The following PNPLA1 variants were observed in gnomAD, a reference collection of about 807,000 sequenced individuals.
PNPLA1 encodes omega-hydroxyceramide transacylase.
Under a neutral mutation model 51.7 loss-of-function variants are expected in PNPLA1, and 36 were observed. The observed-to-expected ratio is 0.70, with a 90% CI of 0.53 to 0.92. The LOEUF (loss-of-function observed/expected upper bound fraction) is 0.92. PNPLA1 is among the 40% of genes least tolerant of loss of function. The pLI, the probability that PNPLA1 is intolerant of heterozygous loss-of-function variation, is 0.00. For synonymous variants in PNPLA1, 293 were observed against 280.1 expected (o/e 1.05, Z -0.46); for missense variants, 658 against 682.5 (o/e 0.96, Z 0.40).
At chr6:36,273,728 C>CAAAAAAAAAAAAAAAAA (rs57186870) in intron 1 of PNPLA1, among the ~76,000 whole-genome samples, 7 of 48,222 alleles carry the variant, frequency 1.5e-4, no homozygotes, top group African/African-American at 4.8e-4. Flanking sequence ...GACCCCATCG[C>CAAAAAAAAAAAAAAAAA]AAAAAAAAAA....
At chr6:36,260,112 G>A (rs1029295210) in intron 1 of PNPLA1, among the ~76,000 whole-genome samples, 3 of 152,210 alleles carry the variant, frequency 2.0e-5, no homozygotes, top group African/African-American at 7.2e-5. Context: ...GGGCAACACA[G>A]TGAGACCCCA....
Position 36,301,843 on chromosome 6 carries a change from T to C in PNPLA1, c.776-18T>C, listed in dbSNP as rs1346299950. 1 of 1,605,726 alleles carries C rather than the reference T, an allele frequency of 6.2e-7. No individual in the cohort carries two copies. The highest frequency in any genetic ancestry group is 1.1e-5 in the South Asian group (1 of 89,898). On this transcript the variant is annotated intron_variant, in intron 5 of 8. Coordinates refer to ENST00000636260, the MANE Select transcript of PNPLA1 (RefSeq NM_001374623.1). ...GCTGCCAGGGCTGAGTAACACCCCATGCTATTGTTTATCCTAGATGCTGTT... is the reference window on the plus strand; with the variant it reads ...GCTGCCAGGGCTGAGTAACACCCCACGCTATTGTTTATCCTAGATGCTGTT...
In PNPLA1 at chr6:36,306,349, A is replaced by G. The variant is rs1469951149; in HGVS notation, c.1442A>G (p.Lys481Arg). 3.7e-6 allele frequency: 6 copies of G among 1,613,184 alleles called. No homozygotes were observed. In the South Asian group the frequency reaches 6.6e-5, roughly 18 times the overall value. ...AGCGCCGTGCCTCTGGTTCATGTGAAGGAAACCGTCAGCAAGCCTTATGTA... is the reference window on the plus strand; with the variant it reads ...AGCGCCGTGCCTCTGGTTCATGTGAGGGAAACCGTCAGCAAGCCTTATGTA... ...PKSAVPLVHV[K>R]ETVSKPYVTE... The change falls in exon 7 of 9, where the codon AAG (lysine) becomes AGG (arginine). Residue 481 changes from lysine (K) to arginine (R), a missense_variant. Coordinates refer to ENST00000636260, the MANE Select transcript of PNPLA1 (RefSeq NM_001374623.1).
intron 1 of PNPLA1, among the ~76,000 whole-genome samples, chr6:36,283,304 A>G: frequency 6.6e-6 from 1 of 152,236 alleles, no homozygotes; most frequent in South Asian, 2.1e-4. Context: ...GACAGTATTA[A>G]AATAGCATTG....
intron 5 of PNPLA1, among the ~76,000 whole-genome samples, chr6:36,297,888 A>C (rs72848556): frequency 5.2e-4 from 79 of 150,524 alleles, no homozygotes; most frequent in Admixed American, 4.6e-4. Flanking sequence ...ACACACACAC[A>C]CCCTGTGAAA....
chr6:36,307,855 C>A, intron 8 of PNPLA1, 143 bp downstream of exon 8: 1 of 1,068,292 alleles, frequency 9.4e-7, no homozygotes, highest in Non-Finnish European at 1.3e-6. Context: ...ACACATCCGA[C>A]ATAAAATTCC....
At chr6:36,295,155 T>TTTTTCTATGTAGC (rs1770818113) in intron 4 of PNPLA1, among the ~76,000 whole-genome samples, 1 of 152,224 alleles carries the variant, frequency 6.6e-6, no homozygotes, top group Non-Finnish European at 1.5e-5. Context: ...GTGTAACTCA[T>TTTTTCTATGTAGC]GAACGGAGCA....
intron 1 of PNPLA1, among the ~76,000 whole-genome samples, chr6:36,257,979 T>C (rs540013839): frequency 6.6e-6 from 1 of 152,210 alleles, no homozygotes; most frequent in African/African-American, 2.4e-5. Flanking sequence ...GAATAGGAGC[T>C]GAAATCTTTA....
Position 36,261,699 on chromosome 6 carries a change from A to G in PNPLA1, c.-81+18438A>G, listed in dbSNP as rs75428159. 8.7e-4 allele frequency among the ~76,000 whole-genome samples: 133 copies of G among 152,328 alleles called. 3 individuals carry two copies. The East Asian group carries it at 0.025, about 29-fold the overall frequency. Reference sequence around the variant, plus strand: ...AAGCACTTGCCATGTGCCAGGAGAAAACCCTAGGAGGCAAGTTTGATTATT... The same window carrying G: ...AAGCACTTGCCATGTGCCAGGAGAAGACCCTAGGAGGCAAGTTTGATTATT... On this transcript the variant is annotated intron_variant, in intron 1 of 7. Transcript: ENST00000312917.
intron 1 of PNPLA1, among the ~76,000 whole-genome samples, chr6:36,255,204 TA>T (rs59540425): frequency 2.0e-5 from 3 of 150,440 alleles, no homozygotes; most frequent in Non-Finnish European, 3.0e-5. Context: ...CCTTCTCTAC[TA>T]AAAAAAAATA....
intron 5 of PNPLA1, among the ~76,000 whole-genome samples, 179 bp downstream of exon 5, chr6:36,295,603 C>T (rs1187081097): frequency 6.6e-6 from 1 of 152,178 alleles, no homozygotes; most frequent in Non-Finnish European, 1.5e-5. Flanking sequence ...GCCCAGACCG[C>T]TGGGTCCAGA....
At chr6:36,261,557 T>C (rs1453563732) in intron 1 of PNPLA1, among the ~76,000 whole-genome samples, 1 of 152,244 alleles carries the variant, frequency 6.6e-6, no homozygotes, top group Non-Finnish European at 1.5e-5. Context: ...GGTGAACGTG[T>C]GTTCACCTCA....
Position 36,270,158 on chromosome 6 carries a change from A to C in PNPLA1, c.-302A>C, listed in dbSNP as rs998304802. Among the ~76,000 whole-genome samples the C allele has an allele frequency of 3.3e-5, 5 of 152,330 alleles. No individual in the cohort carries two copies. The East Asian group carries it at 9.6e-4, about 29-fold the overall frequency. ...GTGCCCGAGATGAATCTAGCCAAGA[A>C]ATGAAGCCAGTGGGGGGCTCACAGG... On this transcript the variant is annotated 5_prime_UTR_variant, in exon 1 of 9. Transcript: ENST00000636260.
intron 7 of PNPLA1, among the ~76,000 whole-genome samples, chr6:36,306,645 A>G (rs1294949531): frequency 2.0e-5 from 3 of 152,200 alleles, no homozygotes; most frequent in African/African-American, 7.2e-5. Context: ...CTCTGAGTGC[A>G]GTGCAAGAAT....
chr6:36,288,215 G>T (rs542511961), intron 1 of PNPLA1, among the ~76,000 whole-genome samples: 1 of 152,138 alleles, frequency 6.6e-6, no homozygotes. Context: ...TCATTGCATC[G>T]TTATTTAGAA....
At chr6:36,262,091 C>T (rs2127318791) in intron 1 of PNPLA1, among the ~76,000 whole-genome samples, 1 of 152,294 alleles carries the variant, frequency 6.6e-6, no homozygotes, top group East Asian at 1.9e-4. Context: ...GAGGTTCTTC[C>T]AACCCTGCAG....
intron 1 of PNPLA1, among the ~76,000 whole-genome samples, chr6:36,257,386 A>G (rs1293566729): frequency 2.0e-5 from 3 of 152,250 alleles, no homozygotes; most frequent in Non-Finnish European, 4.4e-5. Flanking sequence ...GCTCAGAGAC[A>G]TGATTAAAGA....
intron 1 of PNPLA1, among the ~76,000 whole-genome samples, chr6:36,245,851 C>A (rs1032674527): frequency 6.6e-6 from 1 of 152,180 alleles, no homozygotes; most frequent in South Asian, 2.1e-4. Context: ...CTCCCTGACT[C>A]CCCGCACAGT....
chr6:36,291,192 A>G (rs1397824327), intron 1 of PNPLA1, 128 bp from the exon 2 acceptor site: 3 of 696,440 alleles, frequency 4.3e-6, no homozygotes, highest in African/African-American at 1.8e-5. Flanking sequence ...GGGTTTTCCC[A>G]GCTTCCGAAT....
Sources: allele counts gnomAD v4.1 joint callset (sites outside exome capture counted in the v4.1 genomes callset), GRCh38; gene constraint gnomAD v4.1.1; transcripts MANE v1.5; gene names NCBI Gene and HGNC (gene_info 2026-07-23, HGNC 2026-07-21).